PTPRM: variants seen among roughly 807,000 people sequenced by gnomAD.
The protein encoded by PTPRM is protein tyrosine phosphatase receptor type M.
In PTPRM, 47 loss-of-function variants were observed where a neutral mutation model predicts 186.7. That is an observed-to-expected ratio of 0.25 (90% CI 0.20 to 0.32). The LOEUF (loss-of-function observed/expected upper bound fraction) is 0.32. Among genes scored for constraint, PTPRM ranks in the 10% least tolerant of loss-of-function variants. The probability of loss-of-function intolerance (pLI) is 1.00; values close to 1 mark genes in which losing one functional copy is unlikely to be tolerated. For missense variants in PTPRM, 1,494 were observed against 1,865.0 expected (o/e 0.80, Z 3.66); for synonymous variants, 668 against 674.9 (o/e 0.99, Z 0.16).
At chr18:7,828,939 TTCTC>T (rs1022571071) in intron 2 of PTPRM, among the ~76,000 whole-genome samples, 13 of 152,344 alleles carry the variant, frequency 8.5e-5, no homozygotes, top group African/African-American at 3.1e-4. Context: ...ACTCCTTTTC[TTCTC>T]TCTCTCTTTT....
chr18:8,304,612 A>G (rs1340968242), intron 20 of PTPRM, among the ~76,000 whole-genome samples: 2 of 152,210 alleles, frequency 1.3e-5, no homozygotes, highest in East Asian at 1.9e-4. Flanking sequence ...TGATATAAAC[A>G]TGAGTTTAAT....
intron 1 of PTPRM, among the ~76,000 whole-genome samples, chr18:7,772,347 TTCTC>T (rs776949907): frequency 1.7e-5 from 2 of 115,698 alleles, no homozygotes; most frequent in South Asian, 2.7e-4. Flanking sequence ...CTTTCTTTCT[TTCTC>T]TTTCTTTCTT....
chr18:8,380,742 G>C (rs1440186371), intron 29 of PTPRM, among the ~76,000 whole-genome samples: 1 of 152,184 alleles, frequency 6.6e-6, no homozygotes, highest in Non-Finnish European at 1.5e-5. Context: ...GACCGAGTTG[G>C]AGCTCAGCAG....
At chr18:8,172,430 C>A (rs1056769732) in intron 14 of PTPRM, among the ~76,000 whole-genome samples, 5 of 151,968 alleles carry the variant, frequency 3.3e-5, no homozygotes, top group Non-Finnish European at 4.4e-5. Context: ...GGCACTGTTT[C>A]AAGACCCAGA....
At chr18:8,134,830 G>C (rs1158770836) in intron 13 of PTPRM, among the ~76,000 whole-genome samples, 1 of 152,036 alleles carries the variant, frequency 6.6e-6, no homozygotes, top group African/African-American at 2.4e-5. Context: ...ATAACCACTT[G>C]AGTTTTCTGT....
At chr18:7,854,225 C>T (rs1375262651) in intron 2 of PTPRM, among the ~76,000 whole-genome samples, 1 of 152,108 alleles carries the variant, frequency 6.6e-6, no homozygotes, top group African/African-American at 2.4e-5. Flanking sequence ...TATCATGTTA[C>T]CTCTGATTCT....
intron 1 of PTPRM, among the ~76,000 whole-genome samples, chr18:7,583,707 T>G (rs1435679609): frequency 6.6e-6 from 1 of 152,246 alleles, no homozygotes; most frequent in Admixed American, 6.5e-5. Flanking sequence ...GGCAGAATGT[T>G]GTCTTTTCTC....
At chr18:8,310,666 C>T (rs1241744302) in intron 20 of PTPRM, among the ~76,000 whole-genome samples, 1 of 152,016 alleles carries the variant, frequency 6.6e-6, no homozygotes, top group African/African-American at 2.4e-5. Context: ...TCATAGCTCT[C>T]TGTCCTTTCC....
intron 1 of PTPRM, among the ~76,000 whole-genome samples, chr18:7,675,922 A>C (rs1361795477): frequency 6.6e-6 from 1 of 152,038 alleles, no homozygotes; most frequent in Non-Finnish European, 1.5e-5. Context: ...TTTTTAGTAG[A>C]GACGAAGTTT....
intron 23 of PTPRM, among the ~76,000 whole-genome samples, chr18:8,350,387 C>G (rs1415273715): frequency 1.3e-5 from 2 of 152,202 alleles, no homozygotes; most frequent in African/African-American, 4.8e-5. Flanking sequence ...GCTTTCCCCC[C>G]AAACCTGCTG....
At chr18:7,773,019 A>G (rs1435483820) in intron 1 of PTPRM, among the ~76,000 whole-genome samples, 1 of 152,200 alleles carries the variant, frequency 6.6e-6, no homozygotes, top group Non-Finnish European at 1.5e-5. Context: ...ATTCAAGAGG[A>G]TATGAGATGG....
At chr18:8,179,703 C>T (rs1007707823) in intron 14 of PTPRM, among the ~76,000 whole-genome samples, 22 of 151,970 alleles carry the variant, frequency 1.4e-4, no homozygotes, top group Admixed American at 1.4e-3. Flanking sequence ...CTCTTGACCT[C>T]GTGATCTTCC....
intron 7 of PTPRM, among the ~76,000 whole-genome samples, chr18:8,017,170 G>A (rs966323077): frequency 3.3e-5 from 5 of 151,960 alleles, no homozygotes; most frequent in Non-Finnish European, 7.4e-5. Context: ...ATTATTTCAG[G>A]TGTTTTACAC....
At chr18:7,911,762 TACA>T (rs1290882598) in intron 4 of PTPRM, among the ~76,000 whole-genome samples, 2 of 111,734 alleles carry the variant, frequency 1.8e-5, no homozygotes, top group East Asian at 6.5e-4. Context: ...ATCACTTAGA[TACA>T]AAACTATTTG....
At chr18:7,913,413 C>T (rs1220509805) in intron 4 of PTPRM, among the ~76,000 whole-genome samples, 1 of 152,122 alleles carries the variant, frequency 6.6e-6, no homozygotes, top group Non-Finnish European at 1.5e-5. Context: ...TGTCTTGTTC[C>T]TCATCTTAGG....
At chr18:8,082,841 G>A (rs2145219027) in intron 9 of PTPRM, among the ~76,000 whole-genome samples, 1 of 152,074 alleles carries the variant, frequency 6.6e-6, no homozygotes, top group Middle Eastern at 3.4e-3. Context: ...ACTGCCGTGG[G>A]CATTTCCAAC....
intron 2 of PTPRM, among the ~76,000 whole-genome samples, chr18:7,864,066 G>A (rs757327195): frequency 6.6e-6 from 1 of 152,066 alleles, no homozygotes; most frequent in Non-Finnish European, 1.5e-5. Flanking sequence ...TTGTAAATTT[G>A]TTTAAATTCT....
In PTPRM at chr18:8,253,381, T is replaced by C; in HGVS notation, c.2721T>C (p.Cys907=). The C allele has an allele frequency of 1.3e-6, 2 of 1,561,916 alleles. No individual in the cohort carries two copies. Among genetic ancestry groups the C allele is most frequent in the African/African-American group, 1.4e-5 (1 of 72,408 alleles). Residue 907 remains cysteine, a synonymous_variant, in exon 19 of 33, where the codon TGT becomes TGC. Coordinates refer to ENST00000580170, the MANE Select transcript of PTPRM (RefSeq NM_001105244.2). ...TTCAGCACATCACACAGATGAAGTGTGCGGAGGGCTACGGCTTCAAGGAGG... is the reference window on the plus strand; with the variant it reads ...TTCAGCACATCACACAGATGAAGTGCGCGGAGGGCTACGGCTTCAAGGAGG... The part of the protein sequence containing the change: ...DLLQHITQMK[C]AEGYGFKEEY...
intron 1 of PTPRM, among the ~76,000 whole-genome samples, chr18:7,599,403 C>G (rs1373904469): frequency 6.6e-6 from 1 of 152,178 alleles, no homozygotes; most frequent in Non-Finnish European, 1.5e-5. Flanking sequence ...TAAATAGTCT[C>G]AAATAATTCT....
Sources: allele counts gnomAD v4.1 joint callset (sites outside exome capture counted in the v4.1 genomes callset), GRCh38; gene constraint gnomAD v4.1.1; transcripts MANE v1.5; gene names NCBI Gene and HGNC (gene_info 2026-07-23, HGNC 2026-07-21).